CALY: variants seen among roughly 807,000 people sequenced by gnomAD.
The protein encoded by CALY is calcyon neuron specific vesicular protein, also known as neuron-specific vesicular protein calcyon.
A neutral mutation model predicts 20.2 loss-of-function variants in CALY; 15 were observed. The observed-to-expected ratio is 0.74, with a 90% confidence interval of 0.50 to 1.14. The LOEUF is 1.14. Among genes scored for constraint, CALY ranks in the 50% most tolerant of loss-of-function variants. CALY has a pLI of 0.00. For synonymous variants in CALY, 129 were observed against 131.8 expected, an observed-to-expected ratio of 0.98 and a Z score of 0.15; for missense variants, 270 against 304.4, an observed-to-expected ratio of 0.89 and a Z score of 0.84.
intron 4 of CALY, 56 bp from the exon 5 acceptor site, chr10:133,326,176 GC>G: frequency 1.3e-6 from 2 of 1,570,518 alleles, no homozygotes; most frequent in Non-Finnish European, 1.7e-6. Context: ...TGCGCCCCGG[GC>G]CCAGGCCCTC....
chr10:133,327,722 G>T, intron 3 of CALY, 183 bp downstream of exon 3: 1 of 696,676 alleles, frequency 1.4e-6, no homozygotes. Flanking sequence ...CTCGGGAGGG[G>T]GCCTGGTGGG....
rs1848171758 is a variant in CALY at position 133,324,511 on chromosome 10, G to A, written c.*1084C>T. The stretch of plus-strand genomic sequence containing the variant: ...AGCCGCTGCTGGCTGGGGTGGGCGG[G>A]GCTGCAGTGCTGCAATTGGCTGGGG... On this transcript the variant is annotated 3_prime_UTR_variant, in exon 6 of 6. Coordinates refer to ENST00000252939, the MANE Select transcript of CALY (RefSeq NM_015722.4). 2.4e-6 allele frequency: 1 copy of A among 416,536 alleles called. No individual in the cohort carries two copies. Among genetic ancestry groups the A allele is most frequent in the African/African-American group, 2.1e-5 (1 of 48,246 alleles). The allele number at this position is 416,536 out of a possible 1,614,324, so 25.8% of individuals were successfully genotyped here. A position where few individuals can be genotyped will look rare whatever the true frequency, so the allele number is the denominator to read the frequency against.
At position 133,328,009 on chromosome 10, in the gene CALY, T is replaced by A. The variant is rs11550437; in HGVS notation, c.142A>T (p.Ile48Phe). 2 of 1,603,164 alleles carry A rather than the reference T, an allele frequency of 1.2e-6. No individual in the cohort carries two copies. The highest frequency in any genetic ancestry group is 3.4e-5 in the Admixed American group (2 of 59,388). The change falls in exon 3 of 6, where the codon ATC (isoleucine) becomes TTC (phenylalanine). Residue 48 changes from isoleucine (I) to phenylalanine (F), a missense_variant. Transcript: ENST00000252939. ...LQPPLPDQVVIKTQTEYQLSS... is the reference protein window; with the variant it reads ...LQPPLPDQVVFKTQTEYQLSS... ...AGCTGGTATTCTGTCTGTGTCTTGA[T>A]GACCACCTGTGAAAAGAGATGGCCA...
chr10:133,331,806 G>A (rs1341650373), intron 1 of CALY, among the ~76,000 whole-genome samples: 1 of 152,158 alleles, frequency 6.6e-6, no homozygotes, highest in Admixed American at 6.5e-5. Context: ...GGAAGGCAGA[G>A]GGGCAGGAAC....
rs1365914323 is a variant in CALY, at chr10:133,324,472, G to A, written c.*1123C>T. On this transcript the variant is annotated 3_prime_UTR_variant, in exon 6 of 6. Coordinates refer to ENST00000252939, the MANE Select transcript of CALY (RefSeq NM_015722.4). ...TCCACCAATGGTCGGGGGCTGGGGT[G>A]GGCGGGGCTGCAGAGCCGCTGCTGG... The A allele has an allele frequency of 6.7e-6, 3 of 448,278 alleles. No homozygotes were observed. Among genetic ancestry groups the A allele is most frequent in the Non-Finnish European group, 1.3e-5 (3 of 223,690 alleles). The allele number at this position is 448,278 out of a possible 1,614,324, so 27.8% of individuals were successfully genotyped here.
At chr10:133,330,474 G>A (rs1362769267) in intron 1 of CALY, among the ~76,000 whole-genome samples, 1 of 149,566 alleles carries the variant, frequency 6.7e-6, no homozygotes, top group Non-Finnish European at 1.5e-5. Flanking sequence ...TGGCTAACAC[G>A]GTGAAACCCC....
chr10:133,336,228 C>T (rs1848440186), intron 1 of CALY, among the ~76,000 whole-genome samples: 1 of 152,130 alleles, frequency 6.6e-6, no homozygotes, highest in East Asian at 1.9e-4. Flanking sequence ...GGAGTGGGCG[C>T]GCAGCTGCTC....
intron 5 of CALY, 28 bp downstream of exon 5, chr10:133,325,771 C>G: frequency 9.6e-7 from 1 of 1,041,822 alleles, no homozygotes. Context: ...TGGGCAGAGC[C>G]GGCCGGAGCC....
chr10:133,325,621 C>A (rs1252625847), intron 5 of CALY, 55 bp from the exon 6 acceptor site: 1 of 313,402 alleles, frequency 3.2e-6, no homozygotes, highest in African/African-American at 2.2e-5. Flanking sequence ...GGGCTCCCCG[C>A]GGACCCCGCG....
intron 1 of CALY, among the ~76,000 whole-genome samples, chr10:133,335,686 A>G (rs1848428205): frequency 6.6e-6 from 1 of 152,046 alleles, no homozygotes; most frequent in Non-Finnish European, 1.5e-5. Flanking sequence ...GCCTCCTCCC[A>G]CGGATGACAC....
At chr10:133,329,042 G>A in intron 1 of CALY, 33 bp from the exon 2 acceptor site, 2 of 1,494,844 alleles carry the variant, frequency 1.3e-6, no homozygotes, top group East Asian at 2.5e-5. Flanking sequence ...ACTGCCCACA[G>A]GCTGCCCCCT....
chr10:133,329,082 A>C, intron 1 of CALY, 73 bp from the exon 2 acceptor site: 1 of 1,337,986 alleles, frequency 7.5e-7, no homozygotes, highest in Non-Finnish European at 1.0e-6. Context: ...CTCTGAAGCC[A>C]GAGGACCCTG....
chr10:133,329,392 C>CTTCT (rs549430070), intron 1 of CALY, among the ~76,000 whole-genome samples: 1 of 137,450 alleles, frequency 7.3e-6, no homozygotes, highest in African/African-American at 2.9e-5. Flanking sequence ...TCTTCTTCTT[C>CTTCT]TTTTTTTTTT....
intron 1 of CALY, among the ~76,000 whole-genome samples, chr10:133,330,799 G>C (rs907177662): frequency 1.7e-4 from 25 of 151,286 alleles, no homozygotes; most frequent in African/African-American, 5.6e-4. Context: ...AAAGACAAGG[G>C]AGCACTCACC....
At position 133,328,998 on chromosome 10, in the gene CALY, G is replaced by A. The variant is rs1431497534; in HGVS notation, c.-9C>T. On this transcript the variant is annotated 5_prime_UTR_variant, in exon 2 of 6. Coordinates refer to ENST00000252939, the MANE Select transcript of CALY (RefSeq NM_015722.4). ...CAGCCCAGCTTCACCATGGTGGATGGCAGTCCTTGTCCTGTCCAAAGACAG... is the reference window on the plus strand; with the variant it reads ...CAGCCCAGCTTCACCATGGTGGATGACAGTCCTTGTCCTGTCCAAAGACAG... 3.9e-6 allele frequency: 6 copies of A among 1,557,020 alleles called. No homozygotes were observed. In the South Asian group the frequency reaches 4.7e-5, roughly 12 times the overall value.
chr10:133,328,339 C>T (rs1385507351), intron 2 of CALY, among the ~76,000 whole-genome samples: 1 of 152,130 alleles, frequency 6.6e-6, no homozygotes. Context: ...CCTCCTGCCC[C>T]GGGTCCCCAG....
intron 4 of CALY, among the ~76,000 whole-genome samples, chr10:133,326,508 A>G (rs1179167583): frequency 2.7e-5 from 4 of 149,858 alleles, no homozygotes; most frequent in African/African-American, 9.8e-5. Flanking sequence ...AAGAGATTTA[A>G]AAAAAAAAAG....
At chr10:133,331,520 A>G (rs777514390) in intron 1 of CALY, among the ~76,000 whole-genome samples, 13 of 152,250 alleles carry the variant, frequency 8.5e-5, no homozygotes, top group Non-Finnish European at 1.5e-4. Context: ...CTCAATTTAA[A>G]TAATATCAAA....
At position 133,326,079 on chromosome 10, in the gene CALY, C is replaced by T. The variant is rs1345191840; in HGVS notation, c.402G>A (p.Thr134=). Reference sequence around the variant, plus strand: ...TGCGGTGGCGCTCGGGGTCCATCTCCGTGTAGTACATCTCCAGGGTCAGCG... The same window carrying T: ...TGCGGTGGCGCTCGGGGTCCATCTCTGTGTAGTACATCTCCAGGGTCAGCG... ...CTPLTLEMYY[T]EMDPERHRSI... The change falls in exon 5 of 6, where the codon ACG becomes ACA. Residue 134 remains threonine (T), a synonymous_variant. Transcript: ENST00000252939. 7 of 1,598,634 alleles carry T rather than the reference C, an allele frequency of 4.4e-6. No individual in the cohort carries two copies. Among genetic ancestry groups the T allele is most frequent in the Non-Finnish European group, 6.0e-6 (7 of 1,170,466 alleles).
Sources: allele counts gnomAD v4.1 joint callset (sites outside exome capture counted in the v4.1 genomes callset), GRCh38; gene constraint gnomAD v4.1.1; transcripts MANE v1.5; gene names NCBI Gene and HGNC (gene_info 2026-07-23, HGNC 2026-07-21).